KIF17: variants seen among roughly 807,000 people sequenced by gnomAD.
KIF17 encodes kinesin family member 17.
Under a neutral mutation model 96.8 loss-of-function variants are expected in KIF17, and 80 were observed. The ratio of observed to expected loss-of-function variants is 0.83; its 90% CI spans 0.69 to 1.00. The LOEUF is 1.00. Among genes scored for constraint, KIF17 ranks in the 50% least tolerant of loss-of-function variants. KIF17 has a pLI of 0.00. For missense variants in KIF17, 1,280 were observed against 1,372.9 expected (o/e 0.93, Z 1.07); for synonymous variants, 567 against 587.5 (o/e 0.97, Z 0.51).
In KIF17 at chr1:20,687,621, C is replaced by T; in HGVS notation, c.1705G>A (p.Glu569Lys). The change falls in exon 8 of 15, where the codon GAG becomes AAG. Residue 569 changes from glutamate to lysine, a missense_variant. By Grantham distance (56) the Glu-to-Lys change is moderately conservative. Transcript: ENST00000400463. This position sits in a 1 kb window ranked among gnomAD's most constrained non-coding sequence, Gnocchi z 4.4. ...PSNVEVSMPT[E>K]ESRSRYFLDE... ...AGGAAGTATCTGCTCCTGGACTCCT[C>T]AGTGGGCATGGAGACCTCCACGTTG... The T allele has an allele frequency of 1.2e-6, 2 of 1,614,164 alleles. No individual in the cohort carries two copies. Among genetic ancestry groups the T allele is most frequent in the Non-Finnish European group, 1.7e-6 (2 of 1,180,024 alleles).
Position 20,672,272 on chromosome 1 carries a change from G to T in KIF17, c.2464-76C>A. ...CATCTAACCACCCTGTCCACTCACT[G>T]TCCTGCCAGCAGCCACGCATCGTCT... On this transcript the variant is annotated intron_variant, in intron 11 of 14. Coordinates refer to ENST00000400463, the MANE Select transcript of KIF17 (RefSeq NM_001122819.3). The surrounding 1 kb of genome is among the most constrained non-coding windows in gnomAD (Gnocchi z 4.3). The T allele has an allele frequency of 6.4e-7, 1 of 1,574,470 alleles. No homozygotes were observed.
intron 5 of KIF17, among the ~76,000 whole-genome samples, chr1:20,703,539 G>A (rs541782770): frequency 1.3e-5 from 2 of 151,848 alleles, no homozygotes; most frequent in East Asian, 3.9e-4. Context: ...TAGATGTATA[G>A]GTGGGTGAGT....
chr1:20,665,298 G>A (rs2053507648), intron 14 of KIF17, among the ~76,000 whole-genome samples: 1 of 133,072 alleles, frequency 7.5e-6, no homozygotes, highest in Non-Finnish European at 1.5e-5. Flanking sequence ...CACTGTGTCA[G>A]CTCACTGCAA....
chr1:20,710,276 G>A (rs1042621056), intron 3 of KIF17, among the ~76,000 whole-genome samples: 4 of 152,158 alleles, frequency 2.6e-5, no homozygotes, highest in Non-Finnish European at 4.4e-5. Context: ...TGAGCCTGTC[G>A]TCACCCATGA....
At chr1:20,686,166 T>G in intron 8 of KIF17, 40 bp from the exon 9 acceptor site, 13 of 1,522,942 alleles carry the variant, frequency 8.5e-6, no homozygotes, top group Non-Finnish European at 1.2e-5. Flanking sequence ...GAAGGCTGAT[T>G]TGGGCCAGAA....
downstream of KIF17, among the ~76,000 whole-genome samples, chr1:20,661,732 G>A (rs868330662): frequency 6.6e-6 from 1 of 152,270 alleles, no homozygotes; most frequent in Admixed American, 6.5e-5. Context: ...TCCTCCCCGG[G>A]CTTGACCGTC....
At chr1:20,666,875 G>A (rs2053538768) in intron 13 of KIF17, among the ~76,000 whole-genome samples, 1 of 152,088 alleles carries the variant, frequency 6.6e-6, no homozygotes, top group Non-Finnish European at 1.5e-5. Context: ...ATCCCAGTGG[G>A]GTGAGCATTC....
rs199771446 is a variant in KIF17, at chr1:20,698,399, C to T, written c.1213G>A (p.Glu405Lys). 178 of 1,613,616 alleles carry T rather than the reference C, an allele frequency of 1.1e-4. 1 individual carries two copies. The East Asian group carries it at 2.9e-3, about 26-fold the overall frequency. Residue 405 changes from glutamate (E) to lysine (K), a missense_variant, in exon 6 of 15, where the codon GAG (glutamate) becomes AAG (lysine). Physicochemically the swap from Glu to Lys is moderately conservative, Grantham distance 56 (BLOSUM62 1). Transcript: ENST00000400463. Reference sequence around the variant, plus strand: ...CTCACCTCCCGGATCAGCTGCTTCTCGGCCTCCACGTCATGCTGGATCACA... The same window carrying T: ...CTCACCTCCCGGATCAGCTGCTTCTTGGCCTCCACGTCATGCTGGATCACA... ...QPVIQHDVEA[E>K]KQLIREEYEE... is the part of the protein sequence containing the mutation.
chr1:20,692,416 C>G (rs1400933599), intron 6 of KIF17, among the ~76,000 whole-genome samples: 1 of 152,076 alleles, frequency 6.6e-6, no homozygotes, highest in East Asian at 1.9e-4. Context: ...TTTCAGCTCA[C>G]TGCAACCTCC....
intron 6 of KIF17, among the ~76,000 whole-genome samples, chr1:20,697,339 G>A (rs2054159993): frequency 6.6e-6 from 1 of 152,226 alleles, no homozygotes; most frequent in South Asian, 2.1e-4. Flanking sequence ...CCGGCACAGT[G>A]GCTCACGCCT....
At position 20,687,959 on chromosome 1, in the gene KIF17, A is replaced by C. The variant is rs545727010; in HGVS notation, c.1382-15T>G. 1.2e-6 allele frequency: 2 copies of C among 1,612,058 alleles called. No homozygotes were observed. Among genetic ancestry groups the C allele is most frequent in the African/African-American group, 1.3e-5 (1 of 74,920 alleles). On this transcript the variant is annotated splice_polypyrimidine_tract_variant and intron_variant, in intron 7 of 14. Transcript: ENST00000400463. This position sits in a 1 kb window ranked among gnomAD's most constrained non-coding sequence, Gnocchi z 4.4. ...CAGGACAGCCTCTGCAAAATGGAGA[A>C]CTTCCTTCAGGTTTTTAAAGGGTCA...
chr1:20,708,113 T>C (rs1168112534), intron 4 of KIF17, among the ~76,000 whole-genome samples: 1 of 151,902 alleles, frequency 6.6e-6, no homozygotes, highest in Non-Finnish European at 1.5e-5. Context: ...CGCTCCCTCC[T>C]CCTCCCTCCT....
At chr1:20,680,261 T>C (rs887077485) in intron 11 of KIF17, among the ~76,000 whole-genome samples, 1 of 152,216 alleles carries the variant, frequency 6.6e-6, no homozygotes, top group Non-Finnish European at 1.5e-5. Context: ...CTGTTATTGA[T>C]AGTCCAGAAA....
intron 1 of KIF17, among the ~76,000 whole-genome samples, chr1:20,716,734 T>C (rs1183325108): frequency 6.6e-6 from 1 of 152,170 alleles, no homozygotes; most frequent in East Asian, 1.9e-4. Flanking sequence ...CCGGTGCTGT[T>C]CCCAAAGTCA....
Position 20,704,503 on chromosome 1 carries a change from T to G in KIF17, c.1067A>C (p.Glu356Ala). The G allele has an allele frequency of 5.0e-6, 8 of 1,614,216 alleles. No individual in the cohort carries two copies. Among genetic ancestry groups the G allele is most frequent in the Non-Finnish European group, 6.8e-6 (8 of 1,180,038 alleles). ...KDALLREYQEEIKKLKAILTQ... is the reference protein window; with the variant it reads ...KDALLREYQEAIKKLKAILTQ... Reference sequence around the variant, plus strand: ...CAGGATGGCCTTGAGCTTCTTGATCTCCTCCTGGTACTCGCGAAGCAGCGC... The same window carrying G: ...CAGGATGGCCTTGAGCTTCTTGATCGCCTCCTGGTACTCGCGAAGCAGCGC... The change falls in exon 5 of 15, where the codon GAG becomes GCG. Residue 356 changes from glutamate (E) to alanine (A), a missense_variant. By Grantham distance (107) the Glu-to-Ala change is moderately radical. Coordinates refer to ENST00000400463, the MANE Select transcript of KIF17 (RefSeq NM_001122819.3). This position sits in a 1 kb window ranked among gnomAD's most constrained non-coding sequence, Gnocchi z 6.8.
intron 3 of KIF17, 136 bp downstream of exon 3, chr1:20,713,314 TAAAA>T (rs373620869): frequency 5.6e-4 from 291 of 521,520 alleles, no homozygotes; most frequent in Non-Finnish European, 2.0e-4. Flanking sequence ...TTTTTTTAAT[TAAAA>T]AAAAAAAAAA....
At position 20,698,445 on chromosome 1, in the gene KIF17, C is replaced by T. The variant is rs780622985; in HGVS notation, c.1167G>A (p.Glu389=). The change falls in exon 6 of 15, where the codon GAG becomes GAA. Residue 389 remains glutamate, a synonymous_variant. Transcript: ENST00000400463. Reference sequence around the variant, plus strand: ...TCACAGGTTGGGGCAACAGCTTCTCCTCCACCTGCACAGGGTCTGGGGGCA... The same window carrying T: ...TCACAGGTTGGGGCAACAGCTTCTCTTCCACCTGCACAGGGTCTGGGGGCA... The part of the protein sequence containing the change: ...RQVPPDPVQV[E]EKLLPQPVIQ... The T allele has an allele frequency of 3.8e-5, 62 of 1,613,658 alleles. No individual in the cohort carries two copies. The Admixed American group carries it at 1.0e-3, about 26-fold the overall frequency.
rs368021087 is a variant in KIF17, at chr1:20,704,554, G to A, written c.1016C>T (p.Pro339Leu). The part of the protein sequence containing the change: ...ANRAKNIRNK[P>L]RINEDPKDAL... ...ATCCTTGGGGTCCTCATTGATGCGCGGCTTGTTCCTGATGTTCTTGGCCCG... is the reference window on the plus strand; with the variant it reads ...ATCCTTGGGGTCCTCATTGATGCGCAGCTTGTTCCTGATGTTCTTGGCCCG... The change falls in exon 5 of 15, where the codon CCG becomes CTG. Residue 339 changes from proline to leucine, a missense_variant. Pro to Leu is a moderately conservative substitution (Grantham distance 98, BLOSUM62 -3). Transcript: ENST00000400463. This position sits in a 1 kb window ranked among gnomAD's most constrained non-coding sequence, Gnocchi z 6.8. 1.5e-5 allele frequency: 25 copies of A among 1,614,056 alleles called. No homozygotes were observed. Among genetic ancestry groups the A allele is most frequent in the Non-Finnish European group, 1.9e-5 (23 of 1,180,016 alleles).
At position 20,690,352 on chromosome 1, in the gene KIF17, G is replaced by GCGGA; in HGVS notation, c.1234-18_1234-17insTCCG. ...TTCATACTCCTGGGGGGGTGGGAGG[G>GCGGA]ACCAGAGGGCAGGCAGCATTTTATC... On this transcript the variant is annotated splice_polypyrimidine_tract_variant and intron_variant, in intron 6 of 14. Coordinates refer to ENST00000400463, the MANE Select transcript of KIF17 (RefSeq NM_001122819.3). The GCGGA allele has an allele frequency of 2.2e-6, 1 of 451,174 alleles. No individual in the cohort carries two copies. The highest frequency in any genetic ancestry group is 4.3e-6 in the Non-Finnish European group (1 of 235,152). The allele number at this position is 451,174 out of a possible 1,614,324, so 27.9% of individuals were successfully genotyped here. A position where few individuals can be genotyped will look rare whatever the true frequency, so the allele number is the denominator to read the frequency against.
Sources: allele counts gnomAD v4.1 joint callset (sites outside exome capture counted in the v4.1 genomes callset), GRCh38; gene constraint gnomAD v4.1.1; non-coding constraint Gnocchi (gnomAD v3.1); transcripts MANE v1.5; gene names NCBI Gene and HGNC (gene_info 2026-07-23, HGNC 2026-07-21).